The following RNF19B variants were observed in gnomAD, a reference collection of about 807,000 sequenced individuals.
RNF19B encodes E3 ubiquitin-protein ligase RNF19B.
Under a neutral mutation model 65.5 loss-of-function variants are expected in RNF19B, and 23 were observed. That is an observed-to-expected ratio of 0.35 (90% CI 0.25 to 0.50). The LOEUF is 0.50. RNF19B is among the 20% of genes least tolerant of loss of function. The probability of loss-of-function intolerance (pLI) is 0.98; values close to 1 mark genes in which losing one functional copy is unlikely to be tolerated. For missense variants in RNF19B, 794 were observed against 980.0 expected (o/e 0.81, Z 2.53); for synonymous variants, 372 against 379.6 (o/e 0.98, Z 0.23).
intron 5 of RNF19B, among the ~76,000 whole-genome samples, 175 bp from the exon 6 acceptor site, chr1:32,944,334 G>C (rs1642314358): frequency 6.6e-6 from 1 of 152,192 alleles, no homozygotes; most frequent in South Asian, 2.1e-4. Flanking sequence ...AATCAGAAAG[G>C]TCTGGATTAG....
intron 2 of RNF19B, among the ~76,000 whole-genome samples, chr1:32,949,299 T>C (rs549871090): frequency 4.6e-5 from 7 of 152,352 alleles, no homozygotes; most frequent in East Asian, 1.9e-4. Flanking sequence ...AATGAACTAA[T>C]TGCTCTCCAA....
rs1312436795 is a variant in RNF19B at position 32,964,764 on chromosome 1, C to CCGCCGCCGA, written c.-88_-80dup. 7.2e-6 allele frequency: 9 copies of CCGCCGCCGA among 1,243,796 alleles called. No individual in the cohort carries two copies. Among genetic ancestry groups the CCGCCGCCGA allele is most frequent in the African/African-American group, 1.6e-5 (1 of 62,028 alleles). The allele number at this position is 1,243,796 out of a possible 1,614,324, so 77.0% of individuals were successfully genotyped here. ...TCAGCGCCCCTCAGCCAGCGCCCGG[C>CCGCCGCCGA]CGCCGCCGACGCCGCCACCACCGCC... is the stretch of plus-strand genomic sequence containing the variant. On this transcript the variant is annotated 5_prime_UTR_variant, in exon 1 of 9. Transcript: ENST00000235150. The surrounding 1 kb of genome is among the most constrained non-coding windows in gnomAD (Gnocchi z 6.5).
At chr1:32,957,047 A>G (rs769012759) in intron 1 of RNF19B, among the ~76,000 whole-genome samples, 8 of 152,224 alleles carry the variant, frequency 5.3e-5, no homozygotes, top group Admixed American at 1.3e-4. Context: ...CCATTCTGGA[A>G]GGTTACTCTT....
At chr1:32,958,061 A>C (rs1449462589) in intron 1 of RNF19B, among the ~76,000 whole-genome samples, 1 of 152,250 alleles carries the variant, frequency 6.6e-6, no homozygotes, top group African/African-American at 2.4e-5. Flanking sequence ...ATGAGCTCTC[A>C]ATCTATTCAG....
At position 32,944,757 on chromosome 1, in the gene RNF19B, C is replaced by T. The variant is rs547758754; in HGVS notation, c.1262-598G>A. On this transcript the variant is annotated intron_variant, in intron 5 of 8. Transcript: ENST00000235150. ...AGGCTGGAGTGCAGTGGCACGATCT[C>T]GGCTCACTGCAAGCTCCGCCTCCCA... Among the ~76,000 whole-genome samples, 18 of 151,816 alleles carry T rather than the reference C, an allele frequency of 1.2e-4. No homozygotes were observed. The East Asian group carries it at 2.3e-3, about 20-fold the overall frequency.
At chr1:32,958,208 T>G (rs1369531657) in intron 1 of RNF19B, among the ~76,000 whole-genome samples, 3 of 152,232 alleles carry the variant, frequency 2.0e-5, no homozygotes, top group Non-Finnish European at 4.4e-5. Flanking sequence ...CCTGGTGATC[T>G]AAATTGGGGA....
Position 32,942,358 on chromosome 1 carries a change from G to T in RNF19B, c.1504C>A (p.Leu502Ile). The change falls in exon 7 of 9, where the codon CTT becomes ATT. Residue 502 changes from leucine to isoleucine, a missense_variant. Physicochemically the swap from Leu to Ile is conservative, Grantham distance 5. Transcript: ENST00000235150. ...LSTSGSPTDGLSVMQGPYSET... is the reference protein window; with the variant it reads ...LSTSGSPTDGISVMQGPYSET... ...CTGTAAGGACCTTGCATAACACTAA[G>T]TCCATCTGTAGGGCTTCCACTAGTG... 6.2e-7 allele frequency: 1 copy of T among 1,614,206 alleles called. No homozygotes were observed. The highest frequency in any genetic ancestry group is 8.5e-7 in the Non-Finnish European group (1 of 1,180,038).
intron 1 of RNF19B, among the ~76,000 whole-genome samples, chr1:32,956,192 C>T (rs938625187): frequency 6.6e-6 from 1 of 151,944 alleles, no homozygotes; most frequent in East Asian, 1.9e-4. Context: ...CTGACAAAAC[C>T]CCTCTCTACT....
chr1:32,964,073 A>T lies in RNF19B; in HGVS notation c.613T>A (p.Trp205Arg). The T allele has an allele frequency of 6.6e-7, 1 of 1,519,052 alleles. No homozygotes were observed. The highest frequency in any genetic ancestry group is 8.8e-7 in the Non-Finnish European group (1 of 1,133,952). 94.1% of individuals were successfully genotyped at this position (1,519,052 alleles called of 1,614,324 possible). A position where few individuals can be genotyped will look rare whatever the true frequency, so the allele number is the denominator to read the frequency against. The change falls in exon 1 of 9, where the codon TGG becomes AGG. Residue 205 changes from tryptophan (W) to arginine (R), a missense_variant. By Grantham distance (101) the Trp-to-Arg change is moderately radical. This residue lies in a region of RNF19B where 374 missense variants were observed against 423.8 expected (regional missense o/e 0.88). Coordinates refer to ENST00000235150, the MANE Select transcript of RNF19B (RefSeq NM_001300826.2). This position sits in a 1 kb window ranked among gnomAD's most constrained non-coding sequence, Gnocchi z 6.5. ...RYLASDPDCR[W>R]CPAPDCGYAV... ...CACCCGCAGTCCGGGGCCGGGCACCAGCGGCAGTCGGGGTCCGAGGCTAGG... is the reference window on the plus strand; with the variant it reads ...CACCCGCAGTCCGGGGCCGGGCACCTGCGGCAGTCGGGGTCCGAGGCTAGG...
At chr1:32,947,448 T>A (rs1642391629) in intron 3 of RNF19B, among the ~76,000 whole-genome samples, 1 of 152,224 alleles carries the variant, frequency 6.6e-6, no homozygotes, top group East Asian at 1.9e-4. Flanking sequence ...CCACCTGAGG[T>A]TCGAGTTCGA....
At chr1:32,951,951 C>T (rs566864415) in intron 1 of RNF19B, among the ~76,000 whole-genome samples, 1 of 147,700 alleles carries the variant, frequency 6.8e-6, no homozygotes, top group Non-Finnish European at 1.5e-5. Flanking sequence ...CCCGCCACCA[C>T]GCCCGGCTTT....
chr1:32,963,966 G>A, intron 1 of RNF19B, 85 bp downstream of exon 1: 2 of 1,358,808 alleles, frequency 1.5e-6, no homozygotes, highest in Non-Finnish European at 1.9e-6. Flanking sequence ...TCCCTGCTTG[G>A]GACACCCACG....
intron 7 of RNF19B, among the ~76,000 whole-genome samples, chr1:32,938,811 A>C (rs930425158): frequency 5.3e-5 from 8 of 152,154 alleles, no homozygotes; most frequent in Non-Finnish European, 2.9e-5. Context: ...GTAGCCCTTA[A>C]GTCCAAGTCA....
Position 32,938,520 on chromosome 1 carries a change from A to C in RNF19B, c.1619T>G (p.Val540Gly). 5 of 1,614,116 alleles carry C rather than the reference A, an allele frequency of 3.1e-6. No homozygotes were observed. The highest frequency in any genetic ancestry group is 4.2e-6 in the Non-Finnish European group (5 of 1,179,974). The change falls in exon 8 of 9, where the codon GTT becomes GGT. Residue 540 changes from valine to glycine, a missense_variant. Val to Gly is a moderately radical substitution (Grantham distance 109). Around this residue, in one of 3 missense-constraint regions of RNF19B, gnomAD observed 368 missense variants for 447.3 expected, o/e 0.82. Coordinates refer to ENST00000235150, the MANE Select transcript of RNF19B (RefSeq NM_001300826.2). ...AATTTCCTTTTGGACATCGGCTTGA[A>C]CTTCTAACCTGTGTAAAGAGGGGAC... Reference protein sequence around the residue: ...SGKGKYSRLEVQADVQKEIFP... With the variant: ...SGKGKYSRLEGQADVQKEIFP...
chr1:32,948,744 C>T (rs896204731), intron 2 of RNF19B, among the ~76,000 whole-genome samples: 3 of 152,152 alleles, frequency 2.0e-5, no homozygotes, highest in Non-Finnish European at 4.4e-5. Context: ...CTGGAATTAG[C>T]TTTACATTTT....
chr1:32,954,607 C>T (rs750919854), intron 1 of RNF19B, among the ~76,000 whole-genome samples: 14 of 151,598 alleles, frequency 9.2e-5, no homozygotes, highest in African/African-American at 2.4e-4. Flanking sequence ...GGCATGGTGG[C>T]GCATGCCTGT....
chr1:32,932,775 C>T (rs1403945334), downstream of RNF19B, among the ~76,000 whole-genome samples: 1 of 152,190 alleles, frequency 6.6e-6, no homozygotes, highest in African/African-American at 2.4e-5. Context: ...CACAATCTTG[C>T]TCCAGCTGTC....
chr1:32,932,020 T>A (rs1386979507), downstream of RNF19B, among the ~76,000 whole-genome samples: 1 of 152,200 alleles, frequency 6.6e-6, no homozygotes, highest in Non-Finnish European at 1.5e-5. Flanking sequence ...TGGAACCAAA[T>A]ACTATATTAG....
At chr1:32,945,354 G>A (rs1038597643) in intron 5 of RNF19B, among the ~76,000 whole-genome samples, 160 bp downstream of exon 5, 1 of 152,154 alleles carries the variant, frequency 6.6e-6, no homozygotes, top group Non-Finnish European at 1.5e-5. Flanking sequence ...TGGTGTGCTT[G>A]AAAAACTTAA....
Sources: gnomAD v4.1 joint callset for allele counts (sites outside exome capture counted in the v4.1 genomes callset) on GRCh38, gnomAD v4.1.1 for gene constraint, gnomAD v4.1.1 regional missense constraint, Gnocchi (gnomAD v3.1) non-coding constraint, MANE v1.5 for transcripts, NCBI Gene and HGNC (gene_info 2026-07-23, HGNC 2026-07-21) for gene names.